The following ZDHHC11 variants were observed in gnomAD, a reference collection of about 807,000 sequenced individuals.
The protein encoded by ZDHHC11 is zDHHC palmitoyltransferase 11.
Under a neutral mutation model 51.3 loss-of-function variants are expected in ZDHHC11, and 44 were observed. The observed-to-expected ratio is 0.86, with a 90% CI of 0.67 to 1.10. ZDHHC11 has a LOEUF of 1.10. ZDHHC11 is among the 50% of genes least tolerant of loss of function. ZDHHC11 has a pLI of 0.00. For synonymous variants in ZDHHC11, 163 were observed against 222.0 expected (o/e 0.73, Z 2.36); for missense variants, 400 against 537.7 (o/e 0.74, Z 2.53).
chr5:818,308 T>TG (rs1193398497), intron 10 of ZDHHC11, among the ~76,000 whole-genome samples: 4 of 151,656 alleles, frequency 2.6e-5, no homozygotes, highest in Non-Finnish European at 5.9e-5. Context: ...TGGGTGAGTC[T>TG]GGGCGGGGCA....
intron 3 of ZDHHC11, among the ~76,000 whole-genome samples, chr5:845,059 G>A (rs181559395): frequency 4.5e-4 from 69 of 152,398 alleles, no homozygotes; most frequent in Admixed American, 3.7e-3. Flanking sequence ...CATGAATGCC[G>A]CAGTCCTCCG....
chr5:829,984 A>G (rs1742869396), intron 7 of ZDHHC11, among the ~76,000 whole-genome samples: 1 of 150,498 alleles, frequency 6.6e-6, no homozygotes, highest in African/African-American at 2.5e-5. Context: ...GAAGGGACAT[A>G]CCTCAAGGTA....
At chr5:823,330 T>A (rs1031932011) in intron 8 of ZDHHC11, 1 of 150,738 alleles carries the variant, frequency 6.6e-6, no homozygotes, top group African/African-American at 2.4e-5. Flanking sequence ...TGGCATGTGG[T>A]TATGCAGCTG....
intron 1 of ZDHHC11, among the ~76,000 whole-genome samples, chr5:848,904 CCCAGCCCTGCACAGCCAGCCCTGCACAG>C (rs561034712): frequency 2.0e-4 from 30 of 151,036 alleles, no homozygotes; most frequent in Non-Finnish European, 4.1e-4. Flanking sequence ...GGCCTGCACA[CCCAGCCCTGCACAGCCAGCCCTGCACAG>C]CCAGCCCTGC....
chr5:801,229 A>G, intron 11 of ZDHHC11, 65 bp from the exon 12 acceptor site: 1 of 1,589,318 alleles, frequency 6.3e-7, no homozygotes, highest in Non-Finnish European at 8.6e-7. Context: ...TTATAATGCC[A>G]AAGTGCACAA....
chr5:816,357 A>G (rs1161354021), intron 10 of ZDHHC11: 3 of 358,224 alleles, frequency 8.4e-6, no homozygotes, highest in African/African-American at 6.8e-5. Context: ...TGGCGGCAGC[A>G]GCTGCACGGG....
In ZDHHC11 at chr5:796,108, G is replaced by T. The variant is rs1737538402; in HGVS notation, c.*480C>A. 1.4e-5 allele frequency: 2 copies of T among 139,170 alleles called. No homozygotes were observed. Among genetic ancestry groups the T allele is most frequent in the African/African-American group, 5.7e-5 (2 of 35,332 alleles). The allele number at this position is 139,170 out of a possible 1,614,324, so 8.6% of individuals were successfully genotyped here. On this transcript the variant is annotated 3_prime_UTR_variant, in exon 13 of 13. Transcript: ENST00000283441. ...GTGCTCCCATTTTGCAGTGCTGTGA[G>T]CCCCCATTTCCCAGTACTGTGCTCC...
At chr5:801,338 A>G (rs1459475022) in intron 11 of ZDHHC11, among the ~76,000 whole-genome samples, 174 bp from the exon 12 acceptor site, 1 of 151,698 alleles carries the variant, frequency 6.6e-6, no homozygotes, top group African/African-American at 2.4e-5. Context: ...GAAAACAGTA[A>G]CATGACTGCA....
chr5:821,830 T>C, intron 9 of ZDHHC11, 31 bp downstream of exon 9: 3 of 1,576,902 alleles, frequency 1.9e-6, no homozygotes, highest in Non-Finnish European at 2.6e-6. Context: ...TACTAATAGA[T>C]AAAATAATCC....
chr5:852,104 A>C (rs533454045), upstream of ZDHHC11, among the ~76,000 whole-genome samples: 12 of 152,320 alleles, frequency 7.9e-5, no homozygotes, highest in South Asian at 1.9e-3. Flanking sequence ...CAAGGAAGGA[A>C]ATAGAAACAC....
chr5:842,809 C>T (rs1389438097), intron 4 of ZDHHC11: 6 of 667,316 alleles, frequency 9.0e-6, no homozygotes, highest in Non-Finnish European at 1.1e-5. Context: ...CCAGGGAGGT[C>T]TTCCCAATTT....
At chr5:837,583 C>T in intron 5 of ZDHHC11, 103 bp from the exon 6 acceptor site, 2 of 1,293,338 alleles carry the variant, frequency 1.5e-6, no homozygotes, top group South Asian at 2.4e-5. Context: ...TGATCCGGCC[C>T]CTGCACAGGG....
chr5:808,681 C>A (rs1739635830), intron 11 of ZDHHC11, among the ~76,000 whole-genome samples: 1 of 147,956 alleles, frequency 6.8e-6, no homozygotes, highest in Admixed American at 6.7e-5. Context: ...ATTACAGGAG[C>A]ATGCCATCAA....
intron 11 of ZDHHC11, among the ~76,000 whole-genome samples, chr5:803,398 T>C (rs974117371): frequency 7.9e-5 from 12 of 151,232 alleles, no homozygotes; most frequent in Non-Finnish European, 4.4e-5. Flanking sequence ...TAACTGGTCA[T>C]AGAGATAAAG....
intron 8 of ZDHHC11, among the ~76,000 whole-genome samples, chr5:824,435 T>G (rs1239717741): frequency 6.6e-6 from 1 of 151,400 alleles, no homozygotes; most frequent in Non-Finnish European, 1.5e-5. Flanking sequence ...CAATCCATGT[T>G]GGGTGATGGA....
upstream of ZDHHC11, among the ~76,000 whole-genome samples, chr5:852,544 T>G (rs1294878017): frequency 8.2e-6 from 1 of 121,748 alleles, no homozygotes; most frequent in African/African-American, 3.1e-5. Flanking sequence ...CAGAGGACAG[T>G]GAGCCAGGGG....
At position 816,407 on chromosome 5, in the gene ZDHHC11, G is replaced by A. The variant is rs775753292; in HGVS notation, c.1147-1612C>T. ...TAGCGCAGGCGGTGGTGGGGTTGGC[G>A]GGGGTTCCAGCTGCGGGACAGGCAG... On this transcript the variant is annotated intron_variant, in intron 10 of 12. Coordinates refer to ENST00000283441, the MANE Select transcript of ZDHHC11 (RefSeq NM_024786.3). 37 of 424,366 alleles carry A rather than the reference G, an allele frequency of 8.7e-5. 1 individual carries two copies. Among genetic ancestry groups the A allele is most frequent in the Middle Eastern group, 7.2e-4 (1 of 1,388 alleles). 26.3% of individuals were successfully genotyped at this position (424,366 alleles called of 1,614,324 possible). A position where few individuals can be genotyped will look rare whatever the true frequency, so the allele number is the denominator to read the frequency against.
chr5:852,359 G>A (rs184154638), upstream of ZDHHC11, among the ~76,000 whole-genome samples: 1,312 of 152,298 alleles, frequency 8.6e-3, 11 homozygotes, highest in Non-Finnish European at 0.012. Context: ...GAGTCTGTGA[G>A]AGAAAAAAGA....
chr5:851,977 A>C (rs1395388834), upstream of ZDHHC11, among the ~76,000 whole-genome samples: 1 of 151,772 alleles, frequency 6.6e-6, no homozygotes, highest in Non-Finnish European at 1.5e-5. Context: ...AATCGTTTGA[A>C]CCTGGGAGGT....
Sources: allele counts gnomAD v4.1 joint callset (sites outside exome capture counted in the v4.1 genomes callset), GRCh38; gene constraint gnomAD v4.1.1; transcripts MANE v1.5; gene names NCBI Gene and HGNC (gene_info 2026-07-23, HGNC 2026-07-21).